The following GLIS3 variants were observed in gnomAD, a reference collection of about 807,000 sequenced individuals.
The protein encoded by GLIS3 is zinc finger protein GLIS3.
In GLIS3, 53 loss-of-function variants were observed where a neutral mutation model predicts 78.6. That is an observed-to-expected ratio of 0.67 (90% CI 0.54 to 0.85). The LOEUF is 0.85. GLIS3 is among the 40% of genes least tolerant of loss of function. GLIS3 has a pLI of 0.00. For missense variants in GLIS3, 1,703 were observed against 1,231.1 expected, an observed-to-expected ratio of 1.38 and a Z score of -5.74; for synonymous variants, 684 against 509.9, an observed-to-expected ratio of 1.34 and a Z score of -4.60.
intron 2 of GLIS3, among the ~76,000 whole-genome samples, chr9:4,263,455 C>T (rs934736363): frequency 3.3e-5 from 5 of 151,886 alleles, no homozygotes; most frequent in African/African-American, 7.3e-5. Flanking sequence ...TATAATTTTG[C>T]CCCTGGCAAG....
chr9:3,937,204 C>G lies in GLIS3; in HGVS notation c.1711-15G>C. ...CAACCTTCAAACTGCAAAAAGAAAA[C>G]AATTTTTGGTGGTTGAGAAGGACCT... On this transcript the variant is annotated splice_polypyrimidine_tract_variant and intron_variant, in intron 4 of 10. Transcript: ENST00000381971. 1.2e-6 allele frequency: 2 copies of G among 1,613,778 alleles called. No individual in the cohort carries two copies. Among genetic ancestry groups the G allele is most frequent in the Non-Finnish European group, 1.7e-6 (2 of 1,179,850 alleles).
intron 9 of GLIS3, among the ~76,000 whole-genome samples, chr9:3,849,789 G>C (rs1819305376): frequency 6.6e-6 from 1 of 152,026 alleles, no homozygotes; most frequent in Non-Finnish European, 1.5e-5. Flanking sequence ...TGTGTCTATA[G>C]TCCCAGCTAC....
At chr9:4,255,530 G>A (rs1029356276) in intron 2 of GLIS3, among the ~76,000 whole-genome samples, 2 of 152,160 alleles carry the variant, frequency 1.3e-5, no homozygotes, top group Admixed American at 6.6e-5. Context: ...ATTATTCAGT[G>A]CTAAAAAGAA....
At chr9:4,408,426 T>C in the GLIS3 span, among the ~76,000 whole-genome samples, 2 of 103,868 alleles carry the variant, frequency 1.9e-5, no homozygotes, top group Admixed American at 1.1e-4. Flanking sequence ...GGTTAATGGA[T>C]ATTAAAAAAA....
intron 2 of GLIS3, among the ~76,000 whole-genome samples, chr9:4,170,856 T>C (rs952932614): frequency 6.6e-6 from 1 of 152,178 alleles, no homozygotes; most frequent in South Asian, 2.1e-4. Context: ...GAAATCCTCA[T>C]GAATTCTCAT....
chr9:4,380,577 C>T, the GLIS3 span, among the ~76,000 whole-genome samples: 2 of 152,162 alleles, frequency 1.3e-5, no homozygotes, highest in Non-Finnish European at 2.9e-5. Context: ...TGCAGATTTC[C>T]GGGCCTCACA....
chr9:4,270,801 G>A (rs1159057616), intron 2 of GLIS3, among the ~76,000 whole-genome samples: 1 of 152,242 alleles, frequency 6.6e-6, no homozygotes, highest in Non-Finnish European at 1.5e-5. Flanking sequence ...TCTCCAGCTT[G>A]CTGACTGCAG....
intron 4 of GLIS3, among the ~76,000 whole-genome samples, chr9:4,075,743 G>A (rs1281501316): frequency 2.6e-5 from 4 of 152,000 alleles, no homozygotes; most frequent in Admixed American, 1.3e-4. Context: ...TAGGCAACCT[G>A]TGATATAGTC....
At chr9:4,049,925 G>T (rs769553316) in intron 4 of GLIS3, among the ~76,000 whole-genome samples, 1 of 151,948 alleles carries the variant, frequency 6.6e-6, no homozygotes, top group African/African-American at 2.4e-5. Flanking sequence ...TTAGAATGGT[G>T]ATCATTAAAA....
chr9:4,246,841 T>C (rs991330832), intron 2 of GLIS3, among the ~76,000 whole-genome samples: 2 of 152,202 alleles, frequency 1.3e-5, no homozygotes, highest in Non-Finnish European at 2.9e-5. Flanking sequence ...GTTTCATTGG[T>C]TTTTATGAAT....
the GLIS3 span, among the ~76,000 whole-genome samples, chr9:4,460,857 C>T: frequency 0.014 from 2,116 of 152,236 alleles, 47 homozygotes; most frequent in African/African-American, 0.048. Flanking sequence ...CCTTGAAGAG[C>T]TTTAACGCCA....
chr9:4,422,313 C>G, the GLIS3 span, among the ~76,000 whole-genome samples: 1 of 152,164 alleles, frequency 6.6e-6, no homozygotes, highest in African/African-American at 2.4e-5. Context: ...AACCTTGGCA[C>G]AAAATGATTA....
At chr9:4,209,735 G>C (rs1445719935) in intron 2 of GLIS3, among the ~76,000 whole-genome samples, 4 of 152,058 alleles carry the variant, frequency 2.6e-5, no homozygotes, top group East Asian at 3.9e-4. Context: ...CTAATTCTTT[G>C]TTGTGGGGGT....
At chr9:4,042,268 A>G (rs1308715821) in intron 4 of GLIS3, among the ~76,000 whole-genome samples, 1 of 152,206 alleles carries the variant, frequency 6.6e-6, no homozygotes, top group Non-Finnish European at 1.5e-5. Context: ...TTCATTTGCA[A>G]GTATCCAAGA....
intron 2 of GLIS3, among the ~76,000 whole-genome samples, chr9:4,175,298 T>A (rs1457270208): frequency 6.6e-6 from 1 of 152,172 alleles, no homozygotes; most frequent in African/African-American, 2.4e-5. Flanking sequence ...TGACAGCAGT[T>A]TTCTGAAAGG....
At chr9:4,321,079 T>A (rs948921238) in intron 2 of GLIS3, among the ~76,000 whole-genome samples, 6 of 151,538 alleles carry the variant, frequency 4.0e-5, no homozygotes, top group Admixed American at 6.6e-5. Flanking sequence ...ATTCCAGTCA[T>A]CCTGCTAATT....
At chr9:3,861,801 G>A (rs947570004) in intron 8 of GLIS3, among the ~76,000 whole-genome samples, 9 of 152,136 alleles carry the variant, frequency 5.9e-5, no homozygotes, top group Admixed American at 5.9e-4. Flanking sequence ...GCAGGGGAGG[G>A]AGAGCATCAG....
At chr9:4,083,583 T>C (rs1292719588) in intron 4 of GLIS3, among the ~76,000 whole-genome samples, 5 of 152,232 alleles carry the variant, frequency 3.3e-5, no homozygotes, top group African/African-American at 7.2e-5. Context: ...AATCTATAGG[T>C]AGGAACTTTT....
chr9:4,262,550 G>C (rs754805424), intron 2 of GLIS3, among the ~76,000 whole-genome samples: 2 of 152,204 alleles, frequency 1.3e-5, no homozygotes, highest in East Asian at 1.9e-4. Flanking sequence ...GAGTTAAATA[G>C]GTAGATCCAA....
Sources: allele counts gnomAD v4.1 joint callset (sites outside exome capture counted in the v4.1 genomes callset), GRCh38; gene constraint gnomAD v4.1.1; transcripts MANE v1.5; gene names NCBI Gene and HGNC (gene_info 2026-07-23, HGNC 2026-07-21).